The following GRM4 variants were observed in gnomAD, a reference collection of about 807,000 sequenced individuals.
GRM4 encodes glutamate metabotropic receptor 4, also known as metabotropic glutamate receptor 4.
Under a neutral mutation model 81.7 loss-of-function variants are expected in GRM4, and 28 were observed. That is an observed-to-expected ratio of 0.34 (90% confidence interval 0.25 to 0.47). The LOEUF (loss-of-function observed/expected upper bound fraction) is 0.47, where lower values mean the gene tolerates loss of function less well. Ranked by LOEUF, GRM4 falls within the 20% of genes least tolerant of loss-of-function variation. GRM4 has a pLI of 1.00. For synonymous variants in GRM4, 488 were observed against 528.8 expected, an observed-to-expected ratio of 0.92 and a Z score of 1.06; for missense variants, 948 against 1,290.0, an observed-to-expected ratio of 0.73 and a Z score of 4.06.
intron 2 of GRM4, among the ~76,000 whole-genome samples, chr6:34,101,655 A>G (rs1207517183): frequency 1.3e-5 from 2 of 152,212 alleles, no homozygotes; most frequent in Non-Finnish European, 2.9e-5. Context: ...CTGGCTGTCA[A>G]ACTAAGGGCT....
At chr6:34,073,444 C>T (rs1201246931) in intron 3 of GRM4, among the ~76,000 whole-genome samples, 2 of 150,660 alleles carry the variant, frequency 1.3e-5, no homozygotes, top group South Asian at 4.2e-4. Context: ...ACCATCATAC[C>T]ACACACAGAA....
rs907797829 is a variant in GRM4, at chr6:34,090,326, T to C, written c.736+1557A>G. 1.3e-5 allele frequency among the ~76,000 whole-genome samples: 2 copies of C among 151,940 alleles called. No homozygotes were observed. Among genetic ancestry groups the C allele is most frequent in the Admixed American group, 6.6e-5 (1 of 15,254 alleles). On this transcript the variant is annotated intron_variant, in intron 3 of 10. Transcript: ENST00000538487. The surrounding 1 kb of genome is among the most constrained non-coding windows in gnomAD (Gnocchi z 5.2). ...TTAAACAGAAAAGGTAGGAGGTTGG[T>C]TTGGGGAAGAGTTGAAGCCACAGAG...
At chr6:34,067,845 A>T (rs539027114) in intron 3 of GRM4, among the ~76,000 whole-genome samples, 2 of 152,128 alleles carry the variant, frequency 1.3e-5, no homozygotes, top group African/African-American at 4.8e-5. Flanking sequence ...CCACACCCCC[A>T]CCGCACAACC....
upstream of GRM4, among the ~76,000 whole-genome samples, chr6:34,147,894 C>G (rs1159962386): frequency 7.3e-6 from 1 of 136,700 alleles, no homozygotes; most frequent in African/African-American, 2.9e-5. Flanking sequence ...CCTCAATATA[C>G]TTTTGTTGAA....
intron 1 of GRM4, among the ~76,000 whole-genome samples, chr6:34,154,590 TACACACACACACACACACACAC>T (rs57603011): frequency 2.1e-5 from 3 of 144,998 alleles, no homozygotes; most frequent in Non-Finnish European, 3.0e-5. Flanking sequence ...TGGTCCTGAC[TACACACACACACACACACACAC>T]ACACACACAC....
rs145550450 is a variant in GRM4, at chr6:34,019,668, C to A, written c.*3153G>T. The A allele has an allele frequency of 6.6e-6, 1 of 152,208 alleles. No individual in the cohort carries two copies. The highest frequency in any genetic ancestry group is 1.5e-5 in the Non-Finnish European group (1 of 68,034). 9.4% of individuals were successfully genotyped at this position (152,208 alleles called of 1,614,324 possible). A position where few individuals can be genotyped will look rare whatever the true frequency, so the allele number is the denominator to read the frequency against. ...AGGCCACGGGGGTGAGCACATACCC[C>A]CTGCACACAGCAAAGGTCTCTAGGG... On this transcript the variant is annotated 3_prime_UTR_variant, in exon 11 of 11. Transcript: ENST00000538487.
intron 1 of GRM4, among the ~76,000 whole-genome samples, chr6:34,138,614 G>A (rs913597010): frequency 2.7e-4 from 41 of 152,334 alleles, no homozygotes; most frequent in African/African-American, 8.9e-4. Flanking sequence ...GCAGAGGTGT[G>A]GTTTGTAGGA....
At chr6:34,038,970 T>A (rs1211396275) in intron 8 of GRM4, among the ~76,000 whole-genome samples, 1 of 152,182 alleles carries the variant, frequency 6.6e-6, no homozygotes. Flanking sequence ...CAGCAGGTAC[T>A]CAGTAAGTGC....
intron 5 of GRM4, 101 bp downstream of exon 5, chr6:34,058,873 G>A: frequency 1.1e-6 from 1 of 895,358 alleles, no homozygotes; most frequent in Non-Finnish European, 1.7e-6. Flanking sequence ...GAAAAGGAAG[G>A]ATATGGAAAG....
At chr6:34,129,810 GT>G (rs1770165753) in intron 2 of GRM4, among the ~76,000 whole-genome samples, 1 of 152,284 alleles carries the variant, frequency 6.6e-6, no homozygotes, top group African/African-American at 2.4e-5. Flanking sequence ...AGCCTTGTGA[GT>G]TTTGCTCATA....
chr6:34,038,813 C>G (rs1304961689), intron 8 of GRM4, among the ~76,000 whole-genome samples: 1 of 152,194 alleles, frequency 6.6e-6, no homozygotes, highest in African/African-American at 2.4e-5. Context: ...GGGGAGGGGA[C>G]TTTCAGGGGA....
rs79765865 is a variant in GRM4 at position 34,134,515 on chromosome 6, G to C, written c.-363-656C>G. On this transcript the variant is annotated intron_variant, in intron 1 of 10. Transcript: ENST00000538487. ...AGGCCAGGGAGGAGCTGAGGCTGTG[G>C]GGGTTCTGGATTTTCATCCTGAATC... Among the ~76,000 whole-genome samples the C allele has an allele frequency of 6.9e-3, 1,048 of 152,238 alleles. 12 individuals carry two copies. Among genetic ancestry groups the C allele is most frequent in the African/African-American group, 0.024 (999 of 41,522 alleles).
intron 2 of GRM4, among the ~76,000 whole-genome samples, chr6:34,101,464 T>C (rs978079517): frequency 4.6e-5 from 7 of 152,124 alleles, no homozygotes; most frequent in African/African-American, 1.7e-4. Flanking sequence ...ACGGTGGGCC[T>C]ACACATGCAT....
chr6:34,062,855 C>G (rs1295490994), intron 3 of GRM4: 3 of 152,052 alleles, frequency 2.0e-5, no homozygotes, highest in Non-Finnish European at 4.4e-5. Flanking sequence ...GTATTTAAAT[C>G]TCACCCGACC....
At chr6:34,040,119 C>T (rs946753801) in intron 8 of GRM4, 59 bp downstream of exon 8, 19 of 1,553,500 alleles carry the variant, frequency 1.2e-5, no homozygotes, top group Non-Finnish European at 1.6e-5. Context: ...TTGGGCCCCC[C>T]TCCCAGGGGC....
At chr6:34,124,846 C>T (rs112462005) in intron 2 of GRM4, among the ~76,000 whole-genome samples, 2 of 152,154 alleles carry the variant, frequency 1.3e-5, no homozygotes, top group African/African-American at 2.4e-5. Context: ...AGGACCCCCC[C>T]CTAGACTCAG....
Position 34,036,026 on chromosome 6 carries a change from C to T in GRM4, c.2084G>A (p.Ser695Asn). The T allele has an allele frequency of 6.2e-7, 1 of 1,614,046 alleles. No individual in the cohort carries two copies. The change falls in exon 9 of 11, where the codon AGC becomes AAC. Residue 695 changes from serine to asparagine, a missense_variant. Transcript: ENST00000538487. The surrounding 1 kb of genome is among the most constrained non-coding windows in gnomAD (Gnocchi z 9.0). ...KRSVSAPRFI[S>N]PASQLAITFS... ...GGTGATGGCCAGCTGTGAGGCGGGG[C>T]TGATGAAGCGTGGGGCACTGACCGA...
chr6:34,096,979 T>C (rs1256467116), intron 2 of GRM4, among the ~76,000 whole-genome samples: 1 of 152,068 alleles, frequency 6.6e-6, no homozygotes, highest in African/African-American at 2.4e-5. Flanking sequence ...CTAGAGCGTG[T>C]GTCCTTGAGC....
At chr6:34,082,485 C>T (rs192697279) in intron 3 of GRM4, among the ~76,000 whole-genome samples, 2 of 152,266 alleles carry the variant, frequency 1.3e-5, no homozygotes, top group Admixed American at 1.3e-4. Flanking sequence ...TTGTGGGGGA[C>T]TCAGAGGTCC....
Sources: gnomAD v4.1 joint callset for allele counts (sites outside exome capture counted in the v4.1 genomes callset) on GRCh38, gnomAD v4.1.1 for gene constraint, Gnocchi (gnomAD v3.1) non-coding constraint, MANE v1.5 for transcripts, NCBI Gene and HGNC (gene_info 2026-07-23, HGNC 2026-07-21) for gene names.